The following FAM193A variants were observed in gnomAD, a reference collection of about 807,000 sequenced individuals.
FAM193A encodes protein FAM193A.
A neutral mutation model predicts 126.5 loss-of-function variants in FAM193A; 22 were observed. That is an observed-to-expected ratio of 0.17 (90% CI 0.12 to 0.25). The LOEUF is 0.25. Among genes scored for constraint, FAM193A ranks in the 10% least tolerant of loss-of-function variants. FAM193A has a pLI of 1.00. For missense variants in FAM193A, 1,675 were observed against 1,672.8 expected (o/e 1.00, Z -0.02); for synonymous variants, 761 against 646.8 (o/e 1.18, Z -2.68).
chr4:2,616,306 C>T (rs1192850933), intron 2 of FAM193A, among the ~76,000 whole-genome samples: 1 of 152,162 alleles, frequency 6.6e-6, no homozygotes, highest in Non-Finnish European at 1.5e-5. Flanking sequence ...TGAGAGCCAC[C>T]TAGCCTTTTT....
In FAM193A at chr4:2,711,008, C is replaced by T. The variant is rs151089296; in HGVS notation, c.4373-5015C>T. Among the ~76,000 whole-genome samples, 540 of 151,926 alleles carry T rather than the reference C, an allele frequency of 3.6e-3. 1 individual carries two copies. Among genetic ancestry groups the T allele is most frequent in the African/African-American group, 0.012 (518 of 41,454 alleles). On this transcript the variant is annotated intron_variant, in intron 19 of 20. Coordinates refer to ENST00000637812, the MANE Select transcript of FAM193A (RefSeq NM_001366318.2). Reference sequence around the variant, plus strand: ...CTGGGACTACAGGCGCCCACCACCTCGCCCGGCTAATTTTTTGTATTTTTT... The same window carrying T: ...CTGGGACTACAGGCGCCCACCACCTTGCCCGGCTAATTTTTTGTATTTTTT...
intron 1 of FAM193A, among the ~76,000 whole-genome samples, chr4:2,565,276 T>TTTTTTTAAAA (rs71178481): frequency 2.1e-5 from 1 of 47,886 alleles, no homozygotes; most frequent in African/African-American, 8.1e-5. Context: ...TTTTTTTTTT[T>TTTTTTTAAAA]AAAAGATGCA....
intron 1 of FAM193A, among the ~76,000 whole-genome samples, chr4:2,564,564 C>T (rs1011345992): frequency 1.3e-5 from 2 of 152,040 alleles, no homozygotes; most frequent in East Asian, 1.9e-4. Context: ...AAAGTATTTT[C>T]GAACTTTTTT....
chr4:2,651,367 C>G (rs895901647), intron 7 of FAM193A, among the ~76,000 whole-genome samples: 1 of 152,074 alleles, frequency 6.6e-6, no homozygotes, highest in Non-Finnish European at 1.5e-5. Context: ...CTACCTGATT[C>G]TGGGTAATTT....
intron 13 of FAM193A, among the ~76,000 whole-genome samples, chr4:2,685,084 T>TGTG (rs1715582740): frequency 6.6e-6 from 1 of 152,236 alleles, no homozygotes; most frequent in African/African-American, 2.4e-5. Context: ...GTTGGTGTAC[T>TGTG]AAGAAACGGC....
chr4:2,655,433 G>A (rs1431754808), intron 7 of FAM193A, among the ~76,000 whole-genome samples: 1 of 149,820 alleles, frequency 6.7e-6, no homozygotes, highest in Non-Finnish European at 1.5e-5. Flanking sequence ...ACGTGTGTGT[G>A]TGTGCGTGTG....
intron 10 of FAM193A, 128 bp from the exon 11 acceptor site, chr4:2,662,710 T>C (rs1473068522): frequency 1.0e-5 from 6 of 601,750 alleles, no homozygotes; most frequent in African/African-American, 1.8e-5. Context: ...GTAGGAATGA[T>C]ACTTAACTAA....
chr4:2,586,763 C>T (rs1577042458), intron 1 of FAM193A, among the ~76,000 whole-genome samples: 1 of 152,060 alleles, frequency 6.6e-6, no homozygotes, highest in Non-Finnish European at 1.5e-5. Flanking sequence ...AAGCAATCTT[C>T]CCACCTCAGC....
intron 2 of FAM193A, among the ~76,000 whole-genome samples, chr4:2,603,642 G>C (rs1246587169): frequency 6.6e-6 from 1 of 151,426 alleles, no homozygotes; most frequent in East Asian, 1.9e-4. Context: ...TGTATTTTTA[G>C]TAGAGACGGG....
At chr4:2,697,914 C>T (rs1437275868) in intron 18 of FAM193A, among the ~76,000 whole-genome samples, 2 of 152,208 alleles carry the variant, frequency 1.3e-5, no homozygotes, top group African/African-American at 4.8e-5. Flanking sequence ...CTCTGGGACG[C>T]CTTCCTGAGT....
In FAM193A at chr4:2,646,790, G is replaced by C; in HGVS notation, c.1269G>C (p.Trp423Cys). 6.2e-7 allele frequency: 1 copy of C among 1,613,966 alleles called. No individual in the cohort carries two copies. Among genetic ancestry groups the C allele is most frequent in the Non-Finnish European group, 8.5e-7 (1 of 1,179,918 alleles). ...AGCTGCGCAGAGTCGCCGAGGAGTG[G>C]CTGGAGTGCCAGAAGAGGATCGACG... ...EEELRRVAEE[W>C]LECQKRIDAY... Residue 423 changes from tryptophan to cysteine, a missense_variant, in exon 7 of 21, where the codon TGG becomes TGC. By Grantham distance (215) the Trp-to-Cys change is radical. This residue lies in a region of FAM193A where 1,186 missense variants were observed against 1,109.2 expected (regional missense o/e 1.07). Coordinates refer to ENST00000637812, the MANE Select transcript of FAM193A (RefSeq NM_001366318.2).
intron 1 of FAM193A, among the ~76,000 whole-genome samples, chr4:2,563,534 A>C (rs897973214): frequency 1.3e-5 from 2 of 150,438 alleles, no homozygotes; most frequent in Non-Finnish European, 3.0e-5. Flanking sequence ...ACAAAAAAAA[A>C]CAAAAAAAAA....
chr4:2,665,034 G>T (rs976116692), intron 12 of FAM193A, among the ~76,000 whole-genome samples: 1 of 152,148 alleles, frequency 6.6e-6, no homozygotes, highest in African/African-American at 2.4e-5. Flanking sequence ...TGTGGTTGTG[G>T]TCTTTTATTT....
chr4:2,638,162 TC>T (rs1744271083), intron 5 of FAM193A, among the ~76,000 whole-genome samples: 1 of 152,228 alleles, frequency 6.6e-6, no homozygotes, highest in Non-Finnish European at 1.5e-5. Context: ...CCTGGTCTGA[TC>T]CAGGTGCTGC....
chr4:2,675,496 A>G (rs1285251480), intron 13 of FAM193A, among the ~76,000 whole-genome samples: 1 of 152,132 alleles, frequency 6.6e-6, no homozygotes, highest in Non-Finnish European at 1.5e-5. Context: ...TCATTATGTA[A>G]TGCTCCTTAC....
chr4:2,540,205 C>T (rs1560427649), intron 1 of FAM193A, among the ~76,000 whole-genome samples: 1 of 151,634 alleles, frequency 6.6e-6, no homozygotes, highest in Non-Finnish European at 1.5e-5. Flanking sequence ...CGCAGTGGCT[C>T]ACGCCTGTAA....
At chr4:2,602,450 G>A (rs1741257639) in intron 2 of FAM193A, among the ~76,000 whole-genome samples, 1 of 150,968 alleles carries the variant, frequency 6.6e-6, no homozygotes, top group African/African-American at 2.4e-5. Context: ...CACCTCATAG[G>A]TTCAAACGAT....
chr4:2,544,443 C>A (rs540206357), intron 1 of FAM193A, among the ~76,000 whole-genome samples: 3 of 152,216 alleles, frequency 2.0e-5, no homozygotes, highest in African/African-American at 7.2e-5. Flanking sequence ...TGGCTCACAC[C>A]TGTAATCCCA....
rs764280627 is a variant in FAM193A, at chr4:2,576,739, C to T, written c.256-19345C>T. Among the ~76,000 whole-genome samples the T allele has an allele frequency of 1.3e-5, 2 of 152,304 alleles. 1 individual carries two copies. Among genetic ancestry groups the T allele is most frequent in the South Asian group, 4.1e-4 (2 of 4,832 alleles). On this transcript the variant is annotated intron_variant, in intron 1 of 20. Transcript: ENST00000637812. ...TGGCCAATGCTTATCAGACACTGTT[C>T]TAAACATCTATATATGTGTGTGCTT...
Sources: gnomAD v4.1 joint callset for allele counts (sites outside exome capture counted in the v4.1 genomes callset) on GRCh38, gnomAD v4.1.1 for gene constraint, gnomAD v4.1.1 regional missense constraint, MANE v1.5 for transcripts, NCBI Gene and HGNC (gene_info 2026-07-23, HGNC 2026-07-21) for gene names.